The following SLFN13 variants were observed in gnomAD, a reference collection of about 807,000 sequenced individuals.
SLFN13 encodes schlafen family member 13.
In SLFN13, 43 loss-of-function variants were observed where a neutral mutation model predicts 50.6. That is an observed-to-expected ratio of 0.85 (90% CI 0.67 to 1.09). The LOEUF is 1.09. Among genes scored for constraint, SLFN13 ranks in the 50% least tolerant of loss-of-function variants. The pLI is 0.00. For missense variants in SLFN13, 881 were observed against 1,071.1 expected, an observed-to-expected ratio of 0.82 and a Z score of 2.48; for synonymous variants, 339 against 386.5, an observed-to-expected ratio of 0.88 and a Z score of 1.44.
Position 35,439,990 on chromosome 17 carries a change from C to G in SLFN13, c.*605G>C, listed in dbSNP as rs1271861739. The G allele has an allele frequency of 6.6e-6, 1 of 152,276 alleles. No individual in the cohort carries two copies. The highest frequency in any genetic ancestry group is 1.5e-5 in the Non-Finnish European group (1 of 68,202). The allele number at this position is 152,276 out of a possible 1,614,324, so 9.4% of individuals were successfully genotyped here. On this transcript the variant is annotated 3_prime_UTR_variant, in exon 6 of 6. Coordinates refer to ENST00000285013, the MANE Select transcript of SLFN13 (RefSeq NM_144682.6). ...TATTCTGATAACAAACTCTGGAGAT[C>G]ACAATTTTAAGGATTAAATAATCAT...
chr17:35,441,270 G>A lies in SLFN13; in HGVS notation c.2019C>T (p.Phe673=), dbSNP rs1431786278. 2 of 1,613,926 alleles carry A rather than the reference G, an allele frequency of 1.2e-6. No homozygotes were observed. The highest frequency in any genetic ancestry group is 1.3e-5 in the African/African-American group (1 of 74,910). Reference sequence around the variant, plus strand: ...TATACCAGTCCCCATCTTCAGTACGGAAATTCTGAGCTTCGTCAATGACGA... The same window carrying A: ...TATACCAGTCCCCATCTTCAGTACGAAAATTCTGAGCTTCGTCAATGACGA... ...QHIVIDEAQN[F]RTEDGDWYRK... The change falls in exon 6 of 6, where the codon TTC becomes TTT. Residue 673 remains phenylalanine (F), a synonymous_variant. Transcript: ENST00000285013.
Position 35,441,615 on chromosome 17 carries a change from C to T in SLFN13, c.1870G>A (p.Ala624Thr), listed in dbSNP as rs753394118. 5 of 1,588,664 alleles carry T rather than the reference C, an allele frequency of 3.1e-6. No individual in the cohort carries two copies. In the African/African-American group the frequency reaches 4.2e-5, roughly 13 times the overall value. The change falls in exon 5 of 6, where the codon GCA becomes ACA. Residue 624 changes from alanine to threonine, a missense_variant. Transcript: ENST00000285013. ...EKIRNVFHCEAHRILYVCENQ... is the reference protein window; with the variant it reads ...EKIRNVFHCETHRILYVCENQ... ...TCACAAACGTAGAGAATTCTGTGTGCCTCACAGTGAAACACATTCCTGATC... is the reference window on the plus strand; with the variant it reads ...TCACAAACGTAGAGAATTCTGTGTGTCTCACAGTGAAACACATTCCTGATC...
chr17:35,445,429 T>C lies in SLFN13; in HGVS notation c.252A>G (p.Arg84=). The C allele has an allele frequency of 1.2e-6, 2 of 1,614,208 alleles. No individual in the cohort carries two copies. Among genetic ancestry groups the C allele is most frequent in the East Asian group, 2.2e-5 (1 of 44,882 alleles). ...GCAAATATGGATACTGAATAAGCTT[T>C]CTCAAGGATTCTTCTAAATCCAGTC... ...EMGLDLEESL[R]KLIQYPYLQA... is the part of the protein sequence containing the mutation. Residue 84 remains arginine, a synonymous_variant, in exon 3 of 6, where the codon AGA becomes AGG. Coordinates refer to ENST00000285013, the MANE Select transcript of SLFN13 (RefSeq NM_144682.6).
chr17:35,443,952 A>G, intron 3 of SLFN13, 32 bp from the exon 4 acceptor site: 1 of 1,601,176 alleles, frequency 6.2e-7, no homozygotes, highest in South Asian at 1.1e-5. Flanking sequence ...TTTACACTAT[A>G]TGATTTCATG....
chr17:35,444,980 A>T lies in SLFN13; in HGVS notation c.701T>A (p.Ile234Asn). ...QYVENIIPEY[I>N]SAFANTEGGY... Reference sequence around the variant, plus strand: ...TCCCTCAGTGTTTGCAAATGCAGAGATGTACTCTGGAATTATATTTTCTAC... The same window carrying T: ...TCCCTCAGTGTTTGCAAATGCAGAGTTGTACTCTGGAATTATATTTTCTAC... The change falls in exon 3 of 6, where the codon ATC (isoleucine) becomes AAC (asparagine). Residue 234 changes from isoleucine (I) to asparagine (N), a missense_variant. Transcript: ENST00000285013. 6.2e-7 allele frequency: 1 copy of T among 1,614,124 alleles called. No homozygotes were observed. Among genetic ancestry groups the T allele is most frequent in the Non-Finnish European group, 8.5e-7 (1 of 1,180,018 alleles).
At chr17:35,449,098 G>C (rs191979979), upstream of SLFN13, among the ~76,000 whole-genome samples, 2 of 151,746 alleles carry the variant, frequency 1.3e-5, no homozygotes, top group East Asian at 3.9e-4. Context: ...TTAGTGGCGC[G>C]CGCCTGTAGA....
At chr17:35,441,496 G>T (rs1031554094) in intron 5 of SLFN13, 67 bp downstream of exon 5, 11 of 1,606,440 alleles carry the variant, frequency 6.8e-6, no homozygotes, top group Non-Finnish European at 9.4e-6. Context: ...AAGGAAGAAG[G>T]TGACTTAGCA....
chr17:35,445,439 T>TCTTCTAAATC lies in SLFN13; in HGVS notation c.232_241dup (p.Glu81GlyfsTer20), dbSNP rs1344796504. 1 of 1,614,210 alleles carries TCTTCTAAATC rather than the reference T, an allele frequency of 6.2e-7. No homozygotes were observed. The highest frequency in any genetic ancestry group is 2.2e-5 in the East Asian group (1 of 44,888). The stretch of plus-strand genomic sequence containing the variant: ...ATACTGAATAAGCTTTCTCAAGGAT[T>TCTTCTAAATC]CTTCTAAATCCAGTCCCATCTCTGT... On this transcript the variant is annotated frameshift_variant, in exon 3 of 6. Transcript: ENST00000285013. LOFTEE classifies it high-confidence loss of function.
rs1555613671 is a variant in SLFN13, at chr17:35,439,480, T to TTTTTC, written c.*1114_*1115insGAAAA. ...AACAACATAAACTCACTGCATTTTT[T>TTTTTC]TTCTTCTTCTTCTTTTTGAGACAGT... is the stretch of plus-strand genomic sequence containing the variant. On this transcript the variant is annotated 3_prime_UTR_variant, in exon 6 of 6. Transcript: ENST00000285013. 2 of 151,366 alleles carry TTTTTC rather than the reference T, an allele frequency of 1.3e-5. No homozygotes were observed. The highest frequency in any genetic ancestry group is 4.9e-5 in the African/African-American group (2 of 41,228). The allele number at this position is 151,366 out of a possible 1,614,324, so 9.4% of individuals were successfully genotyped here. A position where few individuals can be genotyped will look rare whatever the true frequency, so the allele number is the denominator to read the frequency against.
intron 4 of SLFN13, 106 bp downstream of exon 4, chr17:35,443,683 C>CTG: frequency 8.2e-7 from 1 of 1,223,048 alleles, no homozygotes. Flanking sequence ...GGCATTGTCA[C>CTG]TGTGTACACC....
Position 35,436,100 on chromosome 17 carries a change from T to TA in SLFN13, c.*4494dup, listed in dbSNP as rs1912638587. 1 of 152,198 alleles carries TA rather than the reference T, an allele frequency of 6.6e-6. No individual in the cohort carries two copies. Among genetic ancestry groups the TA allele is most frequent in the South Asian group, 2.1e-4 (1 of 4,832 alleles). The allele number at this position is 152,198 out of a possible 1,614,324, so 9.4% of individuals were successfully genotyped here. A position where few individuals can be genotyped will look rare whatever the true frequency, so the allele number is the denominator to read the frequency against. ...TGAGTGACCTGCAATTTTCCTTTCA[T>TA]ACTTTACCTATCAGACTTGTTATCA... On this transcript the variant is annotated 3_prime_UTR_variant, in exon 6 of 6. Coordinates refer to ENST00000285013, the MANE Select transcript of SLFN13 (RefSeq NM_144682.6).
intron 1 of SLFN13, 88 bp from the exon 2 acceptor site, chr17:35,447,502 ATAAT>A (rs1400678499): frequency 1.3e-5 from 2 of 152,214 alleles, no homozygotes; most frequent in Non-Finnish European, 2.9e-5. Flanking sequence ...ATGCATGGGA[ATAAT>A]TAGAGATAAT....
chr17:35,443,105 T>C (rs1431460073), intron 4 of SLFN13, among the ~76,000 whole-genome samples: 1 of 152,206 alleles, frequency 6.6e-6, no homozygotes, highest in Non-Finnish European at 1.5e-5. Context: ...ATGTTCAATG[T>C]ATGAAGTTAA....
intron 2 of SLFN13, chr17:35,445,903 C>G: frequency 2.1e-6 from 1 of 473,418 alleles, no homozygotes; most frequent in Non-Finnish European, 3.7e-6. Context: ...GACATGGGCT[C>G]TAAGAGGGAA....
Position 35,436,074 on chromosome 17 carries a change from T to C in SLFN13, c.*4521A>G, listed in dbSNP as rs1296116570. 2 of 152,182 alleles carry C rather than the reference T, an allele frequency of 1.3e-5. No individual in the cohort carries two copies. Among genetic ancestry groups the C allele is most frequent in the Non-Finnish European group, 2.9e-5 (2 of 68,034 alleles). 9.4% of individuals were successfully genotyped at this position (152,182 alleles called of 1,614,324 possible). On this transcript the variant is annotated 3_prime_UTR_variant, in exon 6 of 6. Transcript: ENST00000285013. ...TTTCATGTAGATATTTGAGTGATAATTGAGTGACCTGCAATTTTCCTTTCA... is the reference window on the plus strand; with the variant it reads ...TTTCATGTAGATATTTGAGTGATAACTGAGTGACCTGCAATTTTCCTTTCA...
At chr17:35,444,001 A>T in intron 3 of SLFN13, 81 bp from the exon 4 acceptor site, 2 of 1,404,906 alleles carry the variant, frequency 1.4e-6, no homozygotes, top group African/African-American at 1.4e-5. Context: ...CTGTGTCTAA[A>T]TTTCATCTAA....
rs763496157 is a variant in SLFN13 at position 35,445,323 on chromosome 17, C to G, written c.358G>C (p.Asp120His). The G allele has an allele frequency of 3.7e-6, 6 of 1,613,794 alleles. No homozygotes were observed. In the Admixed American group the frequency reaches 8.3e-5, roughly 22 times the overall value. Residue 120 changes from aspartate to histidine, a missense_variant, in exon 3 of 6, where the codon GAT becomes CAT. Asp to His is a moderately conservative substitution (Grantham distance 81). Around this residue, in one of 5 missense-constraint regions of SLFN13, gnomAD observed 497 missense variants for 518.3 expected, o/e 0.96. Coordinates refer to ENST00000285013, the MANE Select transcript of SLFN13 (RefSeq NM_144682.6). ...CAAATGCGGGAATTGAAAGAACCAT[C>G]TTTAAGGAAAGGATCACCACTCCAA... is the stretch of plus-strand genomic sequence containing the variant. ...KSWSGDPFLK[D>H]GSFNSRICSL...
intron 2 of SLFN13, chr17:35,446,615 G>A (rs1238891678): frequency 6.6e-6 from 1 of 152,156 alleles, no homozygotes; most frequent in Non-Finnish European, 1.5e-5. Context: ...CTATGCTTTG[G>A]TTCACAGGTG....
In SLFN13 at chr17:35,441,699, A is replaced by G; in HGVS notation, c.1786T>C (p.Phe596Leu). 1.3e-6 allele frequency: 2 copies of G among 1,598,056 alleles called. No homozygotes were observed. Among genetic ancestry groups the G allele is most frequent in the Non-Finnish European group, 1.7e-6 (2 of 1,171,444 alleles). The stretch of plus-strand genomic sequence containing the variant: ...CCTGAGCCAGGTAAGCCGTGGACAA[A>G]CAACTCTCTGTTCTTGCGGAGGCTT... Reference protein sequence around the residue: ...SRSLRKNRELFVHGLPGSGKT... With the variant: ...SRSLRKNRELLVHGLPGSGKT... The change falls in exon 5 of 6, where the codon TTT becomes CTT. Residue 596 changes from phenylalanine (F) to leucine (L), a missense_variant. Phe to Leu is a conservative substitution (Grantham distance 22). Transcript: ENST00000285013.
Sources: gnomAD v4.1 joint callset for allele counts (sites outside exome capture counted in the v4.1 genomes callset) on GRCh38, gnomAD v4.1.1 for gene constraint, gnomAD v4.1.1 regional missense constraint, MANE v1.5 for transcripts, NCBI Gene and HGNC (gene_info 2026-07-23, HGNC 2026-07-21) for gene names.